DYNC2I2: variants seen among roughly 807,000 people sequenced by gnomAD.
The protein encoded by DYNC2I2 is dynein 2 intermediate chain 2.
In DYNC2I2, 39 loss-of-function variants were observed where a neutral mutation model predicts 52.0. The observed-to-expected ratio is 0.75, with a 90% confidence interval of 0.58 to 0.98. The LOEUF is 0.98. Ranked by LOEUF, DYNC2I2 falls within the 50% of genes least tolerant of loss-of-function variation. The probability of loss-of-function intolerance (pLI) is 0.00; values close to 1 mark genes in which losing one functional copy is unlikely to be tolerated. For synonymous variants in DYNC2I2, 359 were observed against 321.1 expected, an observed-to-expected ratio of 1.12 and a Z score of -1.26; for missense variants, 743 against 728.4, an observed-to-expected ratio of 1.02 and a Z score of -0.23.
intron 2 of DYNC2I2, among the ~76,000 whole-genome samples, chr9:128,639,434 C>T (rs1353559819): frequency 6.6e-6 from 1 of 151,840 alleles, no homozygotes; most frequent in Non-Finnish European, 1.5e-5. Context: ...CAAAAGCTCC[C>T]TCATCTCAAA....
At chr9:128,639,533 A>T (rs1285586143) in intron 2 of DYNC2I2, among the ~76,000 whole-genome samples, 1 of 152,180 alleles carries the variant, frequency 6.6e-6, no homozygotes, top group Non-Finnish European at 1.5e-5. Context: ...AGAGCATGGC[A>T]GTGAAACCAG....
intron 1 of DYNC2I2, among the ~76,000 whole-genome samples, chr9:128,645,516 C>G (rs1055989339): frequency 5.0e-5 from 7 of 140,584 alleles, no homozygotes; most frequent in African/African-American, 1.8e-4. Flanking sequence ...ACTTGGGAGG[C>G]TGAGGCAGGA....
At chr9:128,683,914 T>TCTCCACTCCCGC in the DYNC2I2 span, 49 of 1,552,792 alleles carry the variant, frequency 3.2e-5, no homozygotes, top group Admixed American at 9.6e-4. Context: ...TAAACGCCAG[T>TCTCCACTCCCGC]CTCCACTCCC....
chr9:128,636,373 T>A lies in DYNC2I2; in HGVS notation c.611A>T (p.Asp204Val). 6.2e-7 allele frequency: 1 copy of A among 1,609,670 alleles called. No homozygotes were observed. Among genetic ancestry groups the A allele is most frequent in the Non-Finnish European group, 8.5e-7 (1 of 1,178,456 alleles). ...GGCCGACGGCTGCTGGGGACGCAGG[T>A]CTCGCCGGTCCAGGTTCCAGGCACA... ...FVCAWNLDRR[D>V]LRPQQPSAVV... The change falls in exon 4 of 9, where the codon GAC becomes GTC. Residue 204 changes from aspartate to valine, a missense_variant. Asp to Val is a radical substitution (Grantham distance 152, BLOSUM62 -3). Coordinates refer to ENST00000372715, the MANE Select transcript of DYNC2I2 (RefSeq NM_052844.4).
intron 2 of DYNC2I2, among the ~76,000 whole-genome samples, chr9:128,637,806 T>C (rs1225422474): frequency 1.3e-5 from 2 of 152,214 alleles, no homozygotes; most frequent in East Asian, 3.9e-4. Flanking sequence ...CACAGCTGCA[T>C]GTGAGGAGGC....
chr9:128,673,747 CCGCCCCCCTA>C, the DYNC2I2 span, among the ~76,000 whole-genome samples: 9 of 151,562 alleles, frequency 5.9e-5, no homozygotes, highest in African/African-American at 2.2e-4. Flanking sequence ...ACCTCGTGAT[CCGCCCCCCTA>C]GGCCTCCCAA....
intron 3 of DYNC2I2, 71 bp downstream of exon 3, chr9:128,636,847 G>A (rs758975414): frequency 1.2e-5 from 14 of 1,205,750 alleles, no homozygotes; most frequent in Non-Finnish European, 1.5e-5. Flanking sequence ...TCCCTGTGCA[G>A]CTACAGAGAC....
intron 1 of DYNC2I2, among the ~76,000 whole-genome samples, chr9:128,649,304 C>A (rs1860679218): frequency 6.6e-6 from 1 of 151,984 alleles, no homozygotes; most frequent in African/African-American, 2.4e-5. Flanking sequence ...ATTAGCCAGG[C>A]GCGATGGTGT....
chr9:128,635,045 C>G (rs769104518), intron 6 of DYNC2I2, 47 bp downstream of exon 6: 1 of 1,590,152 alleles, frequency 6.3e-7, no homozygotes, highest in South Asian at 1.1e-5. Context: ...TTCCCACCCC[C>G]AAGGCTCACC....
the DYNC2I2 span, among the ~76,000 whole-genome samples, chr9:128,670,772 G>C: frequency 4.1e-5 from 6 of 146,648 alleles, no homozygotes; most frequent in African/African-American, 1.3e-4. Context: ...AAAAAAGAGA[G>C]AGAGAAACGC....
chr9:128,644,393 G>GC (rs1860574212), intron 1 of DYNC2I2, among the ~76,000 whole-genome samples: 2 of 151,110 alleles, frequency 1.3e-5, no homozygotes, highest in Non-Finnish European at 2.9e-5. Context: ...TCCCACCTCA[G>GC]CCCCCCAAGT....
chr9:128,636,378 C>T lies in DYNC2I2; in HGVS notation c.606G>A (p.Arg202=). ...ACGGCTGCTGGGGACGCAGGTCTCG[C>T]CGGTCCAGGTTCCAGGCACACACGA... ...KSFVCAWNLD[R]RDLRPQQPSA... Residue 202 remains arginine (R), a synonymous_variant, in exon 4 of 9, where the codon CGG becomes CGA. Transcript: ENST00000372715. The T allele has an allele frequency of 6.2e-7, 1 of 1,609,934 alleles. No individual in the cohort carries two copies. The highest frequency in any genetic ancestry group is 1.3e-5 in the African/African-American group (1 of 75,004).
intron 1 of DYNC2I2, among the ~76,000 whole-genome samples, chr9:128,652,819 G>A (rs1038534422): frequency 1.3e-5 from 2 of 150,630 alleles, no homozygotes; most frequent in African/African-American, 5.0e-5. Context: ...CTCAGGAGCT[G>A]AGGCAGGAGA....
the DYNC2I2 span, among the ~76,000 whole-genome samples, chr9:128,671,285 A>C: frequency 2.0e-5 from 3 of 146,890 alleles, no homozygotes; most frequent in East Asian, 5.9e-4. Flanking sequence ...TGGGCAATAG[A>C]GTGGGACCCT....
the DYNC2I2 span, among the ~76,000 whole-genome samples, chr9:128,666,554 G>C: frequency 6.6e-6 from 1 of 151,738 alleles, no homozygotes; most frequent in Non-Finnish European, 1.5e-5. Context: ...TTGAGGTCAA[G>C]AGTTCAAGAC....
chr9:128,649,286 T>C (rs1337626668), intron 1 of DYNC2I2, among the ~76,000 whole-genome samples: 3 of 151,922 alleles, frequency 2.0e-5, no homozygotes, highest in Non-Finnish European at 2.9e-5. Flanking sequence ...CTCTACAGAA[T>C]TTTCCAAATT....
chr9:128,672,588 C>T, the DYNC2I2 span, among the ~76,000 whole-genome samples: 1 of 149,596 alleles, frequency 6.7e-6, no homozygotes, highest in Non-Finnish European at 1.5e-5. Context: ...TTCAGGGCAA[C>T]TTAAATCTAT....
chr9:128,660,172 G>A (rs1428171204), upstream of DYNC2I2, among the ~76,000 whole-genome samples: 2 of 151,706 alleles, frequency 1.3e-5, no homozygotes, highest in Non-Finnish European at 2.9e-5. Flanking sequence ...GCAGTGGCAC[G>A]ATCTCGGCTC....
At chr9:128,644,446 A>AC (rs1860575477) in intron 1 of DYNC2I2, among the ~76,000 whole-genome samples, 1 of 151,872 alleles carries the variant, frequency 6.6e-6, no homozygotes, top group African/African-American at 2.4e-5. Context: ...CTGATTTTTT[A>AC]AAAGAATTTT....
Sources: gnomAD v4.1 joint callset for allele counts (sites outside exome capture counted in the v4.1 genomes callset) on GRCh38, gnomAD v4.1.1 for gene constraint, MANE v1.5 for transcripts, NCBI Gene and HGNC (gene_info 2026-07-23, HGNC 2026-07-21) for gene names.